NBEA: variants seen among roughly 807,000 people sequenced by gnomAD.
The protein encoded by NBEA is neurobeachin, also known as lysosomal-trafficking regulator 2.
In NBEA, 44 loss-of-function variants were observed where a neutral mutation model predicts 343.4. The observed-to-expected ratio is 0.13, with a 90% confidence interval of 0.10 to 0.16. The LOEUF (loss-of-function observed/expected upper bound fraction) is 0.16. NBEA is among the 10% of genes least tolerant of loss of function. The pLI is 1.00. For synonymous variants in NBEA, 1,175 were observed against 1,238.7 expected (o/e 0.95, Z 1.08); for missense variants, 2,555 against 3,631.3 (o/e 0.70, Z 7.62).
intron 47 of NBEA, among the ~76,000 whole-genome samples, chr13:35,602,330 A>G (rs759420063): frequency 6.6e-6 from 1 of 152,216 alleles, no homozygotes; most frequent in African/African-American, 2.4e-5. Context: ...TTGTAAAACA[A>G]TAAAACTGAG....
chr13:35,325,217 C>T (rs942455916), intron 36 of NBEA, among the ~76,000 whole-genome samples: 6 of 151,976 alleles, frequency 3.9e-5, no homozygotes, highest in African/African-American at 1.2e-4. Flanking sequence ...TCTAGATTTC[C>T]GTATTCATAG....
chr13:35,415,020 A>G (rs1034398686), intron 38 of NBEA, among the ~76,000 whole-genome samples: 3 of 152,172 alleles, frequency 2.0e-5, no homozygotes, highest in Non-Finnish European at 4.4e-5. Flanking sequence ...TTTTGGCTGC[A>G]TAAATGTCTT....
intron 33 of NBEA, among the ~76,000 whole-genome samples, chr13:35,216,295 A>G (rs1051151666): frequency 3.3e-5 from 5 of 151,850 alleles, no homozygotes; most frequent in Non-Finnish European, 1.5e-5. Context: ...ACCATGGGCC[A>G]AATCATTCTG....
intron 41 of NBEA, chr13:35,475,738 G>A: frequency 6.2e-7 from 1 of 1,613,870 alleles, no homozygotes; most frequent in Non-Finnish European, 8.5e-7. Context: ...AGCCACCAGC[G>A]TCTGAAACCT....
At chr13:35,082,861 T>C (rs2064497927) in intron 10 of NBEA, among the ~76,000 whole-genome samples, 1 of 152,208 alleles carries the variant, frequency 6.6e-6, no homozygotes, top group African/African-American at 2.4e-5. Context: ...TCTCCCATTC[T>C]GTAGGTGGCC....
intron 48 of NBEA, among the ~76,000 whole-genome samples, chr13:35,622,099 A>G (rs937630422): frequency 6.6e-6 from 1 of 152,218 alleles, no homozygotes; most frequent in Middle Eastern, 3.2e-3. Context: ...GGAAGCAAAC[A>G]CTGAACTTGA....
At chr13:35,662,028 A>G (rs1186937383) in intron 55 of NBEA, among the ~76,000 whole-genome samples, 1 of 152,182 alleles carries the variant, frequency 6.6e-6, no homozygotes, top group Non-Finnish European at 1.5e-5. Flanking sequence ...AAGAACCATG[A>G]GTTCTTTACT....
chr13:35,047,883 A>T (rs2062921174), intron 4 of NBEA, among the ~76,000 whole-genome samples: 1 of 151,688 alleles, frequency 6.6e-6, no homozygotes, highest in African/African-American at 2.4e-5. Flanking sequence ...CATTTCTTGA[A>T]GTCAGGTGAA....
chr13:35,010,780 A>ATATATATATATAT (rs2061471708), intron 1 of NBEA, among the ~76,000 whole-genome samples: 2 of 114,598 alleles, frequency 1.7e-5, no homozygotes, highest in East Asian at 2.8e-4. Context: ...ATATATATAT[A>ATATATATATATAT]AGCTGGGTGT....
intron 38 of NBEA, among the ~76,000 whole-genome samples, chr13:35,398,093 T>A (rs2042829172): frequency 6.6e-6 from 1 of 152,164 alleles, no homozygotes; most frequent in South Asian, 2.1e-4. Context: ...GAATGCTTTG[T>A]TGTCATTTCA....
intron 34 of NBEA, among the ~76,000 whole-genome samples, chr13:35,237,215 A>G (rs2075280058): frequency 6.6e-6 from 1 of 152,034 alleles, no homozygotes; most frequent in Non-Finnish European, 1.5e-5. Flanking sequence ...CGATCGTACC[A>G]CTGCACTCCA....
intron 1 of NBEA, among the ~76,000 whole-genome samples, chr13:35,031,774 T>C (rs1397612328): frequency 6.6e-6 from 1 of 151,684 alleles, no homozygotes; most frequent in Non-Finnish European, 1.5e-5. Context: ...CCAATAGTTA[T>C]CTTTTTTGCT....
intron 16 of NBEA, among the ~76,000 whole-genome samples, chr13:35,121,883 A>AT (rs1446210159): frequency 6.6e-6 from 1 of 152,122 alleles, no homozygotes; most frequent in African/African-American, 2.4e-5. Flanking sequence ...ATGCCATGGC[A>AT]TTTTATTTTT....
intron 34 of NBEA, among the ~76,000 whole-genome samples, chr13:35,267,249 T>C (rs2033757529): frequency 6.6e-6 from 1 of 151,856 alleles, no homozygotes; most frequent in Non-Finnish European, 1.5e-5. Context: ...AAAAATGCTA[T>C]GAGGGTGAAT....
chr13:35,581,532 AG>A (rs1566358406), intron 45 of NBEA, among the ~76,000 whole-genome samples: 1 of 152,026 alleles, frequency 6.6e-6, no homozygotes, highest in Non-Finnish European at 1.5e-5. Flanking sequence ...GCCCTTTGTC[AG>A]ATGAGTAGGT....
At chr13:35,188,516 A>G (rs1484198827) in intron 30 of NBEA, among the ~76,000 whole-genome samples, 1 of 152,136 alleles carries the variant, frequency 6.6e-6, no homozygotes, top group Non-Finnish European at 1.5e-5. Context: ...GTCTGACTTA[A>G]TTTAATGCAG....
At chr13:35,628,745 C>A (rs1222855349) in intron 49 of NBEA, among the ~76,000 whole-genome samples, 2 of 152,008 alleles carry the variant, frequency 1.3e-5, no homozygotes, top group Non-Finnish European at 2.9e-5. Flanking sequence ...TGCTGAAACC[C>A]CATCTCTACA....
chr13:35,472,557 G>C, intron 41 of NBEA, 21 bp downstream of exon 41: 1 of 1,613,932 alleles, frequency 6.2e-7, no homozygotes, highest in Non-Finnish European at 8.5e-7. Context: ...GCGATTCCAT[G>C]TACAGTATTG....
At chr13:35,538,111 G>A (rs530411197) in intron 41 of NBEA, among the ~76,000 whole-genome samples, 2 of 152,134 alleles carry the variant, frequency 1.3e-5, no homozygotes, top group Non-Finnish European at 2.9e-5. Flanking sequence ...GATAACCGCA[G>A]GTGGAGTATC....
Sources: gnomAD v4.1 joint callset for allele counts (sites outside exome capture counted in the v4.1 genomes callset) on GRCh38, gnomAD v4.1.1 for gene constraint, MANE v1.5 for transcripts, NCBI Gene and HGNC (gene_info 2026-07-23, HGNC 2026-07-21) for gene names.